TECPR2: variants seen among roughly 807,000 people sequenced by gnomAD.
The protein encoded by TECPR2 is tectonin beta-propeller repeat-containing protein 2.
A neutral mutation model predicts 138.1 loss-of-function variants in TECPR2; 65 were observed. The ratio of observed to expected loss-of-function variants is 0.47; its 90% CI spans 0.39 to 0.58. The LOEUF is 0.58. TECPR2 is among the 20% of genes least tolerant of loss of function. The pLI is 0.00. For missense variants in TECPR2, 1,553 were observed against 1,824.5 expected, an observed-to-expected ratio of 0.85 and a Z score of 2.71; for synonymous variants, 746 against 749.8, an observed-to-expected ratio of 0.99 and a Z score of 0.08.
At chr14:102,474,325 C>T (rs960403144) in intron 17 of TECPR2, among the ~76,000 whole-genome samples, 4 of 151,784 alleles carry the variant, frequency 2.6e-5, no homozygotes, top group African/African-American at 7.3e-5. Context: ...GAAACTACAA[C>T]AAAGGTGACT....
chr14:102,363,016 T>G lies in TECPR2; in HGVS notation c.-173T>G, dbSNP rs1362421211. ...GGTGCTGGCCCCGGTGCCGGCCCCG[T>G]TGCCCAGGGAACAGGCTCCCGGCAG... is the stretch of plus-strand genomic sequence containing the variant. On this transcript the variant is annotated 5_prime_UTR_variant, in exon 1 of 20. Coordinates refer to ENST00000359520, the MANE Select transcript of TECPR2 (RefSeq NM_014844.5). The G allele has an allele frequency of 3.3e-6, 3 of 900,162 alleles. No individual in the cohort carries two copies. Among genetic ancestry groups the G allele is most frequent in the African/African-American group, 3.4e-5 (2 of 59,608 alleles). The allele number at this position is 900,162 out of a possible 1,614,324, so 55.8% of individuals were successfully genotyped here.
chr14:102,425,871 G>GTTTTTTTTTTTTTTTTTTT (rs531503829), intron 6 of TECPR2, among the ~76,000 whole-genome samples: 1 of 132,110 alleles, frequency 7.6e-6, no homozygotes. Context: ...ACCATGCCTG[G>GTTTTTTTTTTTTTTTTTTT]TTTTTTTTTT....
chr14:102,362,963 C>A lies in TECPR2; in HGVS notation c.-226C>A. 7.0e-7 allele frequency: 1 copy of A among 1,422,722 alleles called. No homozygotes were observed. The highest frequency in any genetic ancestry group is 9.7e-7 in the Non-Finnish European group (1 of 1,029,838). The allele number at this position is 1,422,722 out of a possible 1,614,324, so 88.1% of individuals were successfully genotyped here. ...GCCACTTGTGGCTCTGCCGCTCTAG[C>A]CCCCGGCGGAGCCAGCTGCTGCTCT... On this transcript the variant is annotated 5_prime_UTR_variant, in exon 1 of 20. Transcript: ENST00000359520.
At chr14:102,380,440 T>C (rs1178658666) in intron 2 of TECPR2, among the ~76,000 whole-genome samples, 1 of 152,248 alleles carries the variant, frequency 6.6e-6, no homozygotes, top group Non-Finnish European at 1.5e-5. Context: ...CAGTTACGCA[T>C]GGCTGCGGAG....
intron 2 of TECPR2, among the ~76,000 whole-genome samples, chr14:102,379,424 T>C (rs375033330): frequency 0.016 from 2,186 of 137,858 alleles, 11 homozygotes; most frequent in Middle Eastern, 0.026. Flanking sequence ...CACAGAGGCA[T>C]CCTAGTCACA....
intron 2 of TECPR2, among the ~76,000 whole-genome samples, chr14:102,386,942 C>A (rs1270570277): frequency 1.3e-5 from 2 of 152,126 alleles, no homozygotes; most frequent in Non-Finnish European, 2.9e-5. Context: ...ATTGCCTAAC[C>A]ATTGTGCTTA....
At chr14:102,471,578 T>C (rs879900940) in intron 17 of TECPR2, among the ~76,000 whole-genome samples, 23 of 151,836 alleles carry the variant, frequency 1.5e-4, no homozygotes, top group Non-Finnish European at 3.1e-4. Flanking sequence ...ATAGTGCACC[T>C]GTAGTCCCAG....
intron 2 of TECPR2, among the ~76,000 whole-genome samples, chr14:102,404,817 G>A (rs1433531992): frequency 2.0e-5 from 3 of 151,538 alleles, no homozygotes; most frequent in South Asian, 2.1e-4. Flanking sequence ...CAAGTGATTC[G>A]CCTGCATCAG....
At position 102,470,087 on chromosome 14, in the gene TECPR2, G is replaced by A. The variant is rs143002065; in HGVS notation, c.3789+4798G>A. ...TGTGTTTGTCTGGATTTGGTATCAA[G>A]GTAATGCTGCTGGCCTCATAGAATG... is the stretch of plus-strand genomic sequence containing the variant. On this transcript the variant is annotated intron_variant, in intron 17 of 19. Coordinates refer to ENST00000359520, the MANE Select transcript of TECPR2 (RefSeq NM_014844.5). 1.7e-3 allele frequency among the ~76,000 whole-genome samples: 260 copies of A among 152,240 alleles called. 3 individuals are homozygous for A. Among genetic ancestry groups the A allele is most frequent in the Non-Finnish European group, 1.6e-3 (107 of 68,016 alleles).
In TECPR2 at chr14:102,499,455, C is replaced by G. The variant is rs1891386633; in HGVS notation, c.*1198C>G. ...CGGGTTTGTCCTGAGCCTGCACTGT[C>G]CTCGCCTGCAGCCTCAGAGGGGCAG... On this transcript the variant is annotated 3_prime_UTR_variant, in exon 20 of 20. Transcript: ENST00000359520. The G allele has an allele frequency of 1.8e-6, 1 of 547,338 alleles. No individual in the cohort carries two copies. Among genetic ancestry groups the G allele is most frequent in the Non-Finnish European group, 3.3e-6 (1 of 304,680 alleles). 33.9% of individuals were successfully genotyped at this position (547,338 alleles called of 1,614,324 possible). A position where few individuals can be genotyped will look rare whatever the true frequency, so the allele number is the denominator to read the frequency against.
Position 102,499,430 on chromosome 14 carries a change from C to T in TECPR2, c.*1173C>T. 1 of 573,602 alleles carries T rather than the reference C, an allele frequency of 1.7e-6. No individual in the cohort carries two copies. Among genetic ancestry groups the T allele is most frequent in the Non-Finnish European group, 3.1e-6 (1 of 320,460 alleles). 35.5% of individuals were successfully genotyped at this position (573,602 alleles called of 1,614,324 possible). A position where few individuals can be genotyped will look rare whatever the true frequency, so the allele number is the denominator to read the frequency against. On this transcript the variant is annotated 3_prime_UTR_variant, in exon 20 of 20. Coordinates refer to ENST00000359520, the MANE Select transcript of TECPR2 (RefSeq NM_014844.5). ...ACAGTGGAAGCCCTTTGTTCCTTCC[C>T]GGGTTTGTCCTGAGCCTGCACTGTC...
Position 102,501,778 on chromosome 14 carries a change from ATATT to A in TECPR2, c.*3526_*3529del, listed in dbSNP as rs1891440300. ...CAAATTCATAAAGCTTTCCATAAAT[ATATT>A]TATTAAAAACCAATAGGAGGAGCAC... On this transcript the variant is annotated 3_prime_UTR_variant, in exon 20 of 20. Transcript: ENST00000359520. 6.6e-6 allele frequency: 1 copy of A among 152,204 alleles called. No individual in the cohort carries two copies. The highest frequency in any genetic ancestry group is 1.5e-5 in the Non-Finnish European group (1 of 68,042). The allele number at this position is 152,204 out of a possible 1,614,324, so 9.4% of individuals were successfully genotyped here. A position where few individuals can be genotyped will look rare whatever the true frequency, so the allele number is the denominator to read the frequency against.
chr14:102,432,298 T>TACAC lies in TECPR2; in HGVS notation c.1417+191_1417+194dup, dbSNP rs10650505. On this transcript the variant is annotated intron_variant, in intron 8 of 19. Transcript: ENST00000359520. ...CAAAATACTTCACATTAACGGAAAA[T>TACAC]ACACACACACACACACACACACACT... is the stretch of plus-strand genomic sequence containing the variant. Among the ~76,000 whole-genome samples, 31,912 of 148,794 alleles carry TACAC rather than the reference T, an allele frequency of 0.21. 4,024 individuals carry two copies. The highest frequency in any genetic ancestry group is 0.3 in the Non-Finnish European group (20,140 of 67,034).
intron 2 of TECPR2, among the ~76,000 whole-genome samples, chr14:102,380,709 C>T (rs1213847143): frequency 3.9e-5 from 6 of 152,202 alleles, no homozygotes; most frequent in African/African-American, 1.4e-4. Flanking sequence ...GACGGAGTCT[C>T]GCTCTGTCGC....
chr14:102,435,296 A>G (rs1889634234), intron 9 of TECPR2, 85 bp downstream of exon 9: 1 of 1,488,120 alleles, frequency 6.7e-7, no homozygotes, highest in Admixed American at 2.3e-5. Flanking sequence ...TTTCCTTCTC[A>G]TGGAAAGAAA....
At chr14:102,364,159 CAG>C (rs1411670228) in intron 1 of TECPR2, among the ~76,000 whole-genome samples, 1 of 152,196 alleles carries the variant, frequency 6.6e-6, no homozygotes, top group Non-Finnish European at 1.5e-5. Flanking sequence ...GTCTTGTAGA[CAG>C]AGTTCTGGGA....
intron 17 of TECPR2, among the ~76,000 whole-genome samples, chr14:102,489,133 C>T (rs1675582476): frequency 1.3e-5 from 2 of 151,852 alleles, no homozygotes; most frequent in African/African-American, 2.4e-5. Context: ...CTGCCCACCT[C>T]GGCCTCCCAA....
intron 2 of TECPR2, among the ~76,000 whole-genome samples, chr14:102,404,060 GCTTTTTTTTTTTTTTT>G (rs1888576947): frequency 6.7e-6 from 1 of 149,676 alleles, no homozygotes; most frequent in African/African-American, 2.5e-5. Context: ...ACTATGCCCG[GCTTTTTTTTTTTTTTT>G]AATTTTTTGT....
At chr14:102,389,319 C>CT (rs1567320174) in intron 2 of TECPR2, among the ~76,000 whole-genome samples, 1 of 152,066 alleles carries the variant, frequency 6.6e-6, no homozygotes. Context: ...GAGCAAGTCT[C>CT]TGTCTTAATA....
Sources: allele counts gnomAD v4.1 joint callset (sites outside exome capture counted in the v4.1 genomes callset), GRCh38; gene constraint gnomAD v4.1.1; transcripts MANE v1.5; gene names NCBI Gene and HGNC (gene_info 2026-07-23, HGNC 2026-07-21).